GLDN: variants seen among roughly 807,000 people sequenced by gnomAD.
GLDN encodes gliomedin.
In GLDN, 47 loss-of-function variants were observed where a neutral mutation model predicts 56.5. The ratio of observed to expected loss-of-function variants is 0.83; its 90% CI spans 0.66 to 1.06. The LOEUF is 1.06. Ranked by LOEUF, GLDN falls within the 50% of genes least tolerant of loss-of-function variation. GLDN has a pLI of 0.00. For missense variants in GLDN, 782 were observed against 714.3 expected (o/e 1.09, Z -1.08); for synonymous variants, 332 against 278.8 (o/e 1.19, Z -1.90).
rs115186589 is a variant in GLDN at position 51,377,994 on chromosome 15, A to G, written c.415+494A>G. ...GCTGGATCTCTCAGTTGATGGTCCCAGTCTCTGGGGAGGCCGGGCTAGAGC... is the reference window on the plus strand; with the variant it reads ...GCTGGATCTCTCAGTTGATGGTCCCGGTCTCTGGGGAGGCCGGGCTAGAGC... On this transcript the variant is annotated intron_variant, in intron 2 of 9. Transcript: ENST00000335449. Among the ~76,000 whole-genome samples the G allele has an allele frequency of 3.9e-3, 596 of 152,316 alleles. 5 individuals carry two copies. Among genetic ancestry groups the G allele is most frequent in the African/African-American group, 0.013 (553 of 41,564 alleles).
chr15:51,372,852 A>T (rs7178183), intron 1 of GLDN, among the ~76,000 whole-genome samples: 17,736 of 152,124 alleles, frequency 0.12, 1,971 homozygotes, highest in African/African-American at 0.29. Context: ...AATGAGCAGA[A>T]ATTTATTTCT....
intron 5 of GLDN, 40 bp downstream of exon 5, chr15:51,395,021 C>A (rs547241045): frequency 2.0e-6 from 3 of 1,510,780 alleles, no homozygotes; most frequent in African/African-American, 1.4e-5. Flanking sequence ...AGGGCTTGTG[C>A]GCCCAGAGAA....
Position 51,405,733 on chromosome 15 carries a change from G to A in GLDN, c.*979G>A, listed in dbSNP as rs1214076948. On this transcript the variant is annotated 3_prime_UTR_variant, in exon 10 of 10. Transcript: ENST00000335449. The stretch of plus-strand genomic sequence containing the variant: ...GACGTTAATCTGGCTGGAACCATGG[G>A]AAGCACTTTGCAGTGTTCAGAAGAG... 1 of 152,232 alleles carries A rather than the reference G, an allele frequency of 6.6e-6. No individual in the cohort carries two copies. The highest frequency in any genetic ancestry group is 1.5e-5 in the Non-Finnish European group (1 of 68,050). The allele number at this position is 152,232 out of a possible 1,614,324, so 9.4% of individuals were successfully genotyped here. A position where few individuals can be genotyped will look rare whatever the true frequency, so the allele number is the denominator to read the frequency against.
chr15:51,374,736 C>CTTTTTTTTT (rs71297688), intron 1 of GLDN, among the ~76,000 whole-genome samples: 1 of 110,260 alleles, frequency 9.1e-6, no homozygotes, highest in African/African-American at 3.2e-5. Flanking sequence ...CTTTCTTTTC[C>CTTTTTTTTT]TTTTTTTTTT....
At chr15:51,384,399 GC>G in intron 4 of GLDN, 2 of 182,832 alleles carry the variant, frequency 1.1e-5, no homozygotes, top group Non-Finnish European at 2.2e-5. Flanking sequence ...CCTGTGGCCG[GC>G]ACTCAGGTCA....
chr15:51,396,278 C>G (rs1041091503), intron 5 of GLDN, among the ~76,000 whole-genome samples: 4 of 152,350 alleles, frequency 2.6e-5, no homozygotes, highest in African/African-American at 7.2e-5. Flanking sequence ...CCCAGATTCC[C>G]TAGCTCTGAG....
chr15:51,390,801 C>A (rs1281782231), intron 4 of GLDN, among the ~76,000 whole-genome samples: 2 of 152,166 alleles, frequency 1.3e-5, no homozygotes, highest in African/African-American at 4.8e-5. Context: ...GAGAGCCACT[C>A]CTAGCACAAG....
chr15:51,365,448 G>A (rs184898925), intron 1 of GLDN, among the ~76,000 whole-genome samples: 20 of 152,220 alleles, frequency 1.3e-4, no homozygotes, highest in Non-Finnish European at 2.9e-5. Flanking sequence ...CAGGTGTTAT[G>A]GTAACAGCAT....
At chr15:51,383,735 ATTT>A (rs11306243) in intron 3 of GLDN, 47 bp from the exon 4 acceptor site, 2,002 of 1,150,712 alleles carry the variant, frequency 1.7e-3, no homozygotes, top group Non-Finnish European at 2.0e-3. Context: ...TCAGTGAATA[ATTT>A]TTTTTTTTTT....
At chr15:51,409,898 T>C (rs1385668265), downstream of GLDN, among the ~76,000 whole-genome samples, 3 of 152,234 alleles carry the variant, frequency 2.0e-5, no homozygotes. Flanking sequence ...TGAATGCTTT[T>C]TAGGGCACTC....
At chr15:51,375,900 A>G (rs1203213767) in intron 1 of GLDN, among the ~76,000 whole-genome samples, 2 of 152,312 alleles carry the variant, frequency 1.3e-5, no homozygotes, top group African/African-American at 2.4e-5. Context: ...TTCAGGCCCA[A>G]AAATTGAGCC....
chr15:51,344,024 G>A (rs2036933771), intron 1 of GLDN, among the ~76,000 whole-genome samples: 1 of 152,164 alleles, frequency 6.6e-6, no homozygotes, highest in African/African-American at 2.4e-5. Context: ...ATATCTTGGG[G>A]ATCTTGTTAA....
chr15:51,349,835 G>A (rs1023690007), intron 1 of GLDN, among the ~76,000 whole-genome samples: 1 of 151,852 alleles, frequency 6.6e-6, no homozygotes, highest in African/African-American at 2.4e-5. Context: ...TGCCTCCTGA[G>A]TTCAAGCGAT....
chr15:51,403,543 T>C (rs1053469481), intron 9 of GLDN, among the ~76,000 whole-genome samples: 13 of 152,196 alleles, frequency 8.5e-5, no homozygotes, highest in African/African-American at 3.1e-4. Context: ...AATTCACTTT[T>C]ACAATACAGC....
intron 1 of GLDN, among the ~76,000 whole-genome samples, chr15:51,363,047 C>T (rs543944840): frequency 6.6e-6 from 1 of 152,048 alleles, no homozygotes; most frequent in Admixed American, 6.5e-5. Flanking sequence ...GGCAAAACTG[C>T]AGATAGAACA....
chr15:51,354,908 A>G (rs2037145164), intron 1 of GLDN, among the ~76,000 whole-genome samples: 2 of 152,246 alleles, frequency 1.3e-5, no homozygotes, highest in South Asian at 4.1e-4. Flanking sequence ...TTAGAAAGTT[A>G]TTACATTAAT....
chr15:51,370,924 G>A (rs1418981867), intron 1 of GLDN, among the ~76,000 whole-genome samples: 1 of 152,152 alleles, frequency 6.6e-6, no homozygotes, highest in Admixed American at 6.5e-5. Flanking sequence ...TCTGCCTCAA[G>A]CCGGAGGTTG....
intron 1 of GLDN, among the ~76,000 whole-genome samples, chr15:51,374,071 A>C (rs762181421): frequency 8.5e-5 from 13 of 152,236 alleles, no homozygotes; most frequent in Non-Finnish European, 7.3e-5. Context: ...TTGAGTAAAG[A>C]TTAACATAAT....
At chr15:51,381,438 G>A (rs2037757950) in intron 2 of GLDN, among the ~76,000 whole-genome samples, 2 of 152,160 alleles carry the variant, frequency 1.3e-5, no homozygotes, top group South Asian at 4.1e-4. Flanking sequence ...AAGTCATGGA[G>A]ACACAGGCTG....
Sources: gnomAD v4.1 joint callset for allele counts (sites outside exome capture counted in the v4.1 genomes callset) on GRCh38, gnomAD v4.1.1 for gene constraint, MANE v1.5 for transcripts, NCBI Gene and HGNC (gene_info 2026-07-23, HGNC 2026-07-21) for gene names.